LRRC37A3: variants seen among roughly 807,000 people sequenced by gnomAD.
The protein encoded by LRRC37A3 is leucine rich repeat containing 37 member A3, also known as leucine-rich repeat-containing protein 37A3.
In LRRC37A3, 25 loss-of-function variants were observed where a neutral mutation model predicts 106.2. The observed-to-expected ratio is 0.24, with a 90% CI of 0.17 to 0.33. The LOEUF (loss-of-function observed/expected upper bound fraction) is 0.33, where lower values mean the gene tolerates loss of function less well. Ranked by LOEUF, LRRC37A3 falls within the 10% of genes least tolerant of loss-of-function variation. The probability of loss-of-function intolerance (pLI) is 1.00; values close to 1 mark genes in which losing one functional copy is unlikely to be tolerated. For missense variants in LRRC37A3, 712 were observed against 1,644.9 expected, an observed-to-expected ratio of 0.43 and a Z score of 9.81; for synonymous variants, 305 against 635.8, an observed-to-expected ratio of 0.48 and a Z score of 7.83.
intron 2 of LRRC37A3, among the ~76,000 whole-genome samples, chr17:64,911,319 T>TA (rs2143624614): frequency 7.0e-6 from 1 of 142,966 alleles, no homozygotes; most frequent in South Asian, 2.4e-4. Context: ...CACATTCTCT[T>TA]AGATTTTCTT....
chr17:64,893,648 ATT>A (rs3972251), intron 4 of LRRC37A3, among the ~76,000 whole-genome samples: 11 of 86,948 alleles, frequency 1.3e-4, no homozygotes, highest in African/African-American at 3.0e-4. Flanking sequence ...CCCTCCTATC[ATT>A]TTTTTTTTTT....
intron 2 of LRRC37A3, among the ~76,000 whole-genome samples, chr17:64,916,188 A>G (rs1974696783): frequency 6.6e-6 from 1 of 150,482 alleles, no homozygotes; most frequent in African/African-American, 2.4e-5. Context: ...GGAGGATCAC[A>G]AGGTCAGGAG....
intron 2 of LRRC37A3, among the ~76,000 whole-genome samples, chr17:64,915,774 CA>C: frequency 6.6e-6 from 1 of 152,236 alleles, no homozygotes; most frequent in Middle Eastern, 3.4e-3. Context: ...CACTTATATC[CA>C]AAATATATAA....
intron 8 of LRRC37A3, among the ~76,000 whole-genome samples, chr17:64,872,529 A>G (rs1973357766): frequency 6.6e-6 from 1 of 152,164 alleles, no homozygotes; most frequent in Admixed American, 6.5e-5. Context: ...TCTTTATTTG[A>G]CCAGAATGAA....
At chr17:64,883,559 G>A (rs1325072392) in intron 8 of LRRC37A3, among the ~76,000 whole-genome samples, 1 of 151,734 alleles carries the variant, frequency 6.6e-6, no homozygotes, top group Admixed American at 6.6e-5. Context: ...ATTCATCATC[G>A]ATCAACCACA....
intron 14 of LRRC37A3, among the ~76,000 whole-genome samples, chr17:64,854,964 A>C (rs1399946256): frequency 6.6e-6 from 1 of 152,146 alleles, no homozygotes; most frequent in Non-Finnish European, 1.5e-5. Context: ...CAGCCTCCCA[A>C]GTAGCTGGGA....
intron 8 of LRRC37A3, among the ~76,000 whole-genome samples, chr17:64,875,931 A>G (rs1326907631): frequency 6.6e-6 from 1 of 152,230 alleles, no homozygotes; most frequent in Non-Finnish European, 1.5e-5. Flanking sequence ...TTAGAGAAGC[A>G]AAGTTTTTGT....
chr17:64,866,609 TATATATATATA>T (rs1973095914), intron 10 of LRRC37A3, among the ~76,000 whole-genome samples: 1 of 20,206 alleles, frequency 4.9e-5, no homozygotes, highest in African/African-American at 3.1e-4. Flanking sequence ...TATATATATA[TATATATATATA>T]TATATATATT....
chr17:64,907,644 AAAAAT>A (rs1378822722), intron 2 of LRRC37A3, among the ~76,000 whole-genome samples: 5 of 150,710 alleles, frequency 3.3e-5, no homozygotes, highest in African/African-American at 1.2e-4. Flanking sequence ...CAAAAAAACA[AAAAAT>A]AAAAGGACCC....
chr17:64,904,338 G>C (rs1316761306), intron 2 of LRRC37A3, among the ~76,000 whole-genome samples: 12 of 152,268 alleles, frequency 7.9e-5, no homozygotes, highest in Non-Finnish European at 1.2e-4. Context: ...AGCCACATGT[G>C]GTGGCGCACG....
intron 8 of LRRC37A3, among the ~76,000 whole-genome samples, chr17:64,874,349 C>A (rs374241601): frequency 1.4e-5 from 2 of 140,274 alleles, no homozygotes; most frequent in South Asian, 2.4e-4. Context: ...CCGTCTGAGA[C>A]GTGAGGAGCC....
In LRRC37A3 at chr17:64,859,829, T is replaced by C. The variant is rs751928474; in HGVS notation, c.4317A>G (p.Lys1439=). The change falls in exon 12 of 15, where the codon AAA becomes AAG. Residue 1439 remains lysine, a synonymous_variant. Coordinates refer to ENST00000584306, the MANE Select transcript of LRRC37A3 (RefSeq NM_199340.5). ...GTAFNLGPTV[K]QTETKWEYNN... ...TGTATTCCCATTTTGTCTCAGTTTG[T>C]TTAACAGTTGGCCCTAAGTTGAATG... is the stretch of plus-strand genomic sequence containing the variant. 6.2e-7 allele frequency: 1 copy of C among 1,612,254 alleles called. No homozygotes were observed. The highest frequency in any genetic ancestry group is 8.5e-7 in the Non-Finnish European group (1 of 1,179,808).
At chr17:64,858,384 G>A (rs975591315) in intron 13 of LRRC37A3, among the ~76,000 whole-genome samples, 1 of 152,200 alleles carries the variant, frequency 6.6e-6, no homozygotes, top group South Asian at 2.1e-4. Context: ...CCTCTCCAGG[G>A]TGATGACAAC....
At chr17:64,916,420 A>T (rs1167988253) in intron 2 of LRRC37A3, among the ~76,000 whole-genome samples, 7 of 152,172 alleles carry the variant, frequency 4.6e-5, no homozygotes, top group Non-Finnish European at 4.4e-5. Context: ...ATAAATAAAT[A>T]AAATAAAATA....
chr17:64,865,377 C>CAAGCAACCCTCTCTCTT (rs1973029091), intron 10 of LRRC37A3, among the ~76,000 whole-genome samples: 1 of 152,224 alleles, frequency 6.6e-6, no homozygotes, highest in African/African-American at 2.4e-5. Flanking sequence ...CTCCTGGGCA[C>CAAGCAACCCTCTCTCTT]AAGCAACCCT....
chr17:64,866,603 TATATATATATATATATATATATATA>T lies in LRRC37A3; in HGVS notation c.3053+1834_3053+1858del, dbSNP rs1567766462. On this transcript the variant is annotated intron_variant, in intron 10 of 14. Transcript: ENST00000584306. Reference sequence around the variant, plus strand: ...ATATACACGTACATATATATATATATATATATATATATATATATATATATATTTTTTTTTTTTTTTTTTTTTAGAC... The same window carrying T: ...ATATACACGTACATATATATATATATTTTTTTTTTTTTTTTTTTTTTAGAC... 8.0e-4 allele frequency among the ~76,000 whole-genome samples: 14 copies of T among 17,604 alleles called. 1 individual carries two copies. The highest frequency in any genetic ancestry group is 3.6e-3 in the East Asian group (2 of 556). 11.5% of individuals were successfully genotyped at this position (17,604 alleles called of 152,430 possible). A position where few individuals can be genotyped will look rare whatever the true frequency, so the allele number is the denominator to read the frequency against.
intron 2 of LRRC37A3, among the ~76,000 whole-genome samples, chr17:64,912,208 T>A (rs371582185): frequency 4.4e-5 from 1 of 22,962 alleles, no homozygotes; most frequent in Non-Finnish European, 7.2e-5. Context: ...ATACATGCAT[T>A]GTATATGTAT....
chr17:64,916,853 C>T (rs1454918895), intron 2 of LRRC37A3, among the ~76,000 whole-genome samples: 2 of 147,918 alleles, frequency 1.4e-5, no homozygotes, highest in East Asian at 3.9e-4. Flanking sequence ...TCAAAAGATG[C>T]ACATAAAAAG....
intron 8 of LRRC37A3, among the ~76,000 whole-genome samples, chr17:64,879,719 G>A (rs1367564602): frequency 5.3e-5 from 8 of 152,036 alleles, no homozygotes; most frequent in South Asian, 2.1e-4. Context: ...GTACAAAGTC[G>A]GCTACCCCCT....
Sources: allele counts gnomAD v4.1 joint callset (sites outside exome capture counted in the v4.1 genomes callset), GRCh38; gene constraint gnomAD v4.1.1; transcripts MANE v1.5; gene names NCBI Gene and HGNC (gene_info 2026-07-23, HGNC 2026-07-21).